AAMDC: variants seen among roughly 807,000 people sequenced by gnomAD.
AAMDC encodes the protein mth938 domain-containing protein.
Under a neutral mutation model 15.5 loss-of-function variants are expected in AAMDC, and 16 were observed. The ratio of observed to expected loss-of-function variants is 1.03; its 90% confidence interval spans 0.70 to 1.57. The LOEUF (loss-of-function observed/expected upper bound fraction) is 1.57. Ranked by LOEUF, AAMDC falls within the 40% of genes most tolerant of loss-of-function variation. The pLI is 0.00. For synonymous variants in AAMDC, 51 were observed against 51.6 expected (o/e 0.99, Z 0.05); for missense variants, 141 against 144.9 (o/e 0.97, Z 0.14).
At chr11:77,837,872 T>C (rs1469344011) in intron 1 of AAMDC, among the ~76,000 whole-genome samples, 1 of 152,042 alleles carries the variant, frequency 6.6e-6, no homozygotes, top group East Asian at 1.9e-4. Flanking sequence ...ATGGGCAACA[T>C]AGTGAGACCC....
chr11:77,903,119 T>G (rs2136444463), downstream of AAMDC, among the ~76,000 whole-genome samples: 1 of 152,328 alleles, frequency 6.6e-6, no homozygotes, highest in South Asian at 2.1e-4. Flanking sequence ...TTTAAGTAAC[T>G]TGCTCAATAT....
Position 77,885,907 on chromosome 11 carries a change from A to G in AAMDC, c.328+8858A>G, listed in dbSNP as rs909664442. Among the ~76,000 whole-genome samples, 5 of 152,262 alleles carry G rather than the reference A, an allele frequency of 3.3e-5. No homozygotes were observed. The East Asian group carries it at 9.6e-4, about 29-fold the overall frequency. ...GGAAAAACAAATGAACAGGGGCCAT[A>G]ATTTCTGTGTTCAGCAGGTGCAGTG... On this transcript the variant is annotated intron_variant, in intron 5 of 5. Transcript: ENST00000304716.
chr11:77,848,686 C>T (rs538970019), intron 2 of AAMDC, among the ~76,000 whole-genome samples: 2 of 152,300 alleles, frequency 1.3e-5, no homozygotes, highest in East Asian at 1.9e-4. Context: ...GAAACTTAAG[C>T]ACAGAGAAGT....
At chr11:77,832,977 G>A (rs1949508433) in intron 1 of AAMDC, among the ~76,000 whole-genome samples, 1 of 65,208 alleles carries the variant, frequency 1.5e-5, no homozygotes. Context: ...GTGTGTGTGT[G>A]TGTGTGTGTG....
chr11:77,885,381 C>G (rs1591002143), intron 5 of AAMDC, among the ~76,000 whole-genome samples: 2 of 152,042 alleles, frequency 1.3e-5, no homozygotes, highest in Non-Finnish European at 2.9e-5. Context: ...CTGGCCTACC[C>G]TTATTTCTTA....
At chr11:77,901,338 T>C, downstream of AAMDC, 1 of 1,392,774 alleles carries the variant, frequency 7.2e-7, no homozygotes, top group Non-Finnish European at 1.0e-6. Context: ...TCACTTATCA[T>C]TAACTTTCGT....
intron 5 of AAMDC, among the ~76,000 whole-genome samples, chr11:77,878,414 T>G (rs1246917718): frequency 6.6e-6 from 1 of 152,068 alleles, no homozygotes; most frequent in Non-Finnish European, 1.5e-5. Context: ...TCTCCAGCTA[T>G]TCAGTCCTTG....
intron 2 of AAMDC, among the ~76,000 whole-genome samples, chr11:77,863,240 G>A (rs550623845): frequency 1.1e-4 from 17 of 152,308 alleles, no homozygotes; most frequent in South Asian, 2.1e-4. Context: ...ACAATGGCAA[G>A]CCTTTATTTA....
At chr11:77,869,649 A>C in intron 2 of AAMDC, 73 bp from the exon 3 acceptor site, 3 of 1,394,448 alleles carry the variant, frequency 2.2e-6, no homozygotes, top group Non-Finnish European at 3.0e-6. Context: ...TGAATGAATG[A>C]ATCCCACAAG....
At chr11:77,859,617 A>G (rs1950790538) in intron 2 of AAMDC, among the ~76,000 whole-genome samples, 1 of 152,228 alleles carries the variant, frequency 6.6e-6, no homozygotes, top group African/African-American at 2.4e-5. Context: ...ACTTTCAAGT[A>G]TTCCATTATC....
intron 2 of AAMDC, among the ~76,000 whole-genome samples, chr11:77,860,645 G>T (rs1212485110): frequency 1.3e-5 from 2 of 152,196 alleles, no homozygotes; most frequent in Admixed American, 1.3e-4. Context: ...GCTAATGCCT[G>T]GCCAAATAGA....
At chr11:77,837,188 T>A (rs1949720453) in intron 1 of AAMDC, among the ~76,000 whole-genome samples, 1 of 152,020 alleles carries the variant, frequency 6.6e-6, no homozygotes, top group South Asian at 2.1e-4. Context: ...CAGGCTGGAG[T>A]GCAGTGGCAC....
At chr11:77,873,387 C>G (rs763053568), downstream of AAMDC, among the ~76,000 whole-genome samples, 2 of 152,180 alleles carry the variant, frequency 1.3e-5, no homozygotes, top group African/African-American at 4.8e-5. Flanking sequence ...AATGGGGATA[C>G]TGTGTAAAGC....
At chr11:77,840,104 AC>A in intron 1 of AAMDC, among the ~76,000 whole-genome samples, 1 of 151,980 alleles carries the variant, frequency 6.6e-6, no homozygotes, top group Middle Eastern at 3.4e-3. Flanking sequence ...GTAAACACAC[AC>A]ACACACACAC....
intron 5 of AAMDC, chr11:77,878,953 C>T (rs759978044): frequency 8.7e-6 from 14 of 1,613,570 alleles, no homozygotes; most frequent in Middle Eastern, 1.7e-4. Context: ...TTTGCCTTAG[C>T]GCCGTGCAGG....
chr11:77,891,325 C>T, intron 5 of AAMDC: 1 of 1,610,062 alleles, frequency 6.2e-7, no homozygotes, highest in South Asian at 1.1e-5. Context: ...AGACCTGGAC[C>T]TTAACAGTGT....
chr11:77,843,849 C>G (rs1381514949), intron 2 of AAMDC, among the ~76,000 whole-genome samples: 1 of 152,020 alleles, frequency 6.6e-6, no homozygotes, highest in African/African-American at 2.4e-5. Context: ...GGGGAGGCCT[C>G]ACAATCATGG....
chr11:77,879,362 G>A (rs1951704360), intron 5 of AAMDC, among the ~76,000 whole-genome samples: 1 of 152,204 alleles, frequency 6.6e-6, no homozygotes, highest in South Asian at 2.1e-4. Flanking sequence ...GAGGCAACTG[G>A]AGAGCAAGCT....
chr11:77,825,163 TG>T (rs1949110806), intron 1 of AAMDC, among the ~76,000 whole-genome samples: 2 of 152,204 alleles, frequency 1.3e-5, no homozygotes, highest in East Asian at 3.9e-4. Flanking sequence ...TTTGTATTTT[TG>T]GTAGAGACGG....
Sources: gnomAD v4.1 joint callset for allele counts (sites outside exome capture counted in the v4.1 genomes callset) on GRCh38, gnomAD v4.1.1 for gene constraint, MANE v1.5 for transcripts, NCBI Gene and HGNC (gene_info 2026-07-23, HGNC 2026-07-21) for gene names.